OR9Q1: variants seen among roughly 807,000 people sequenced by gnomAD.
OR9Q1 encodes olfactory receptor family 9 subfamily Q member 1, also known as olfactory receptor 9Q1.
For synonymous variants in OR9Q1, 153 were observed against 148.6 expected (o/e 1.03, Z -0.22); for missense variants, 374 against 378.8 (o/e 0.99, Z 0.11).
chr11:58,074,050 C>T (rs1161162276), intron 2 of OR9Q1, among the ~76,000 whole-genome samples: 1 of 152,170 alleles, frequency 6.6e-6, no homozygotes, highest in East Asian at 1.9e-4. Flanking sequence ...TCTAGTCTAT[C>T]ATTGATGGGC....
In OR9Q1 at chr11:58,132,658, G is replaced by T. The variant is rs558858512; in HGVS notation, c.-14-46773G>T. Among the ~76,000 whole-genome samples, 8 of 152,316 alleles carry T rather than the reference G, an allele frequency of 5.3e-5. 2 individuals carry two copies. In the East Asian group the frequency reaches 1.5e-3, roughly 29 times the overall value. The stretch of plus-strand genomic sequence containing the variant: ...TGGTCAGAAAGGGTCACCTTGGGTT[G>T]ATGACAACTCCTCAAAGAGCAGAAC... On this transcript the variant is annotated intron_variant, in intron 2 of 2. Transcript: ENST00000335397.
At chr11:58,101,513 C>T (rs953058079) in intron 2 of OR9Q1, among the ~76,000 whole-genome samples, 9 of 152,056 alleles carry the variant, frequency 5.9e-5, no homozygotes, top group South Asian at 2.1e-4. Context: ...ATTTGAGTTC[C>T]GTGTAGATTC....
At chr11:58,133,518 C>G (rs1460377272) in intron 2 of OR9Q1, among the ~76,000 whole-genome samples, 1 of 152,192 alleles carries the variant, frequency 6.6e-6, no homozygotes, top group Non-Finnish European at 1.5e-5. Context: ...TTTCGCTTCT[C>G]CCTTGCAATA....
At chr11:58,153,370 T>C (rs535153368) in intron 2 of OR9Q1, among the ~76,000 whole-genome samples, 1 of 152,262 alleles carries the variant, frequency 6.6e-6, no homozygotes, top group African/African-American at 2.4e-5. Context: ...TGAGTTCCCT[T>C]TCCCCGGGAG....
chr11:58,063,707 T>TGG (rs141248235), intron 2 of OR9Q1, among the ~76,000 whole-genome samples: 2 of 152,136 alleles, frequency 1.3e-5, no homozygotes, highest in African/African-American at 2.4e-5. Context: ...ATTTAATTTT[T>TGG]GGGGGGGTGA....
At chr11:58,101,838 C>T (rs566771826) in intron 2 of OR9Q1, among the ~76,000 whole-genome samples, 1 of 152,154 alleles carries the variant, frequency 6.6e-6, no homozygotes, top group African/African-American at 2.4e-5. Flanking sequence ...CTTCCGCCTC[C>T]CAGGTTCAAG....
rs73476487 is a variant in OR9Q1, at chr11:58,066,357, G to A, written c.-15+10410G>A. Among the ~76,000 whole-genome samples, 545 of 152,238 alleles carry A rather than the reference G, an allele frequency of 3.6e-3. 4 individuals are homozygous for A. The highest frequency in any genetic ancestry group is 0.013 in the African/African-American group (528 of 41,552). ...CTGTGAGAGCAAGACCACAAGGACC[G>A]CAGGATAGGACATGTGGATTGTCCT... is the stretch of plus-strand genomic sequence containing the variant. On this transcript the variant is annotated intron_variant, in intron 2 of 2. Coordinates refer to ENST00000335397, the MANE Select transcript of OR9Q1 (RefSeq NM_001005212.4).
chr11:58,158,894 C>A lies in OR9Q1; in HGVS notation c.-14-20537C>A, dbSNP rs543427523. Among the ~76,000 whole-genome samples the A allele has an allele frequency of 4.3e-4, 65 of 152,292 alleles. 1 individual carries two copies. Among genetic ancestry groups the A allele is most frequent in the Admixed American group, 3.7e-3 (56 of 15,286 alleles). On this transcript the variant is annotated intron_variant, in intron 2 of 2. Transcript: ENST00000335397. ...TATGAGGCTAATGTGCAGAGAGAAGCAGAAATGAGATATGAGGAAGGAACA... is the reference window on the plus strand; with the variant it reads ...TATGAGGCTAATGTGCAGAGAGAAGAAGAAATGAGATATGAGGAAGGAACA...
chr11:58,031,642 G>T (rs1853040538), intron 1 of OR9Q1: 1 of 1,613,904 alleles, frequency 6.2e-7, no homozygotes, highest in African/African-American at 1.3e-5. Flanking sequence ...GGACACTGCT[G>T]CACATCCGCT....
intron 2 of OR9Q1, among the ~76,000 whole-genome samples, chr11:58,120,547 A>C (rs1025901382): frequency 2.0e-5 from 3 of 151,846 alleles, no homozygotes; most frequent in Admixed American, 2.0e-4. Flanking sequence ...TTTTTGGTAT[A>C]TCCATCACCC....
At chr11:58,149,913 G>T (rs1392139742) in intron 2 of OR9Q1, among the ~76,000 whole-genome samples, 1 of 152,142 alleles carries the variant, frequency 6.6e-6, no homozygotes, top group East Asian at 1.9e-4. Flanking sequence ...GAATGCTGTT[G>T]CTATAAATGT....
At chr11:58,164,368 G>A (rs1318338482) in intron 2 of OR9Q1, among the ~76,000 whole-genome samples, 1 of 152,172 alleles carries the variant, frequency 6.6e-6, no homozygotes, top group Non-Finnish European at 1.5e-5. Context: ...GGATGGTGGT[G>A]GGGATGGGGC....
intron 1 of OR9Q1, chr11:58,031,184 G>C: frequency 6.2e-7 from 1 of 1,614,166 alleles, no homozygotes; most frequent in Non-Finnish European, 8.5e-7. Flanking sequence ...GTACACTTCT[G>C]TTACAGTGCC....
At chr11:58,128,240 C>A (rs1233625653) in intron 2 of OR9Q1, among the ~76,000 whole-genome samples, 2 of 125,850 alleles carry the variant, frequency 1.6e-5, no homozygotes, top group African/African-American at 3.0e-5. Context: ...CAGGTGAAAA[C>A]AGCCAAGAAA....
intron 2 of OR9Q1, among the ~76,000 whole-genome samples, chr11:58,156,874 G>A (rs1014482071): frequency 8.5e-5 from 13 of 152,200 alleles, no homozygotes; most frequent in African/African-American, 2.9e-4. Flanking sequence ...TTCAGTTGCA[G>A]AACAGTTTAA....
intron 1 of OR9Q1, among the ~76,000 whole-genome samples, chr11:58,053,624 T>TAAAATATATATAC (rs1290995331): frequency 1.8e-5 from 2 of 109,636 alleles, no homozygotes; most frequent in Non-Finnish European, 1.7e-5. Context: ...TATATATATA[T>TAAAATATATATAC]ATAAAATATA....
At chr11:58,037,680 TATATA>T (rs1853116676) in intron 1 of OR9Q1, among the ~76,000 whole-genome samples, 1 of 13,192 alleles carries the variant, frequency 7.6e-5, no homozygotes, top group East Asian at 2.2e-3. Flanking sequence ...TATATATATA[TATATA>T]TATATTTTTT....
rs1370251137 is a variant in OR9Q1, at chr11:58,034,839, T to C, written c.-93+10735T>C. Among the ~76,000 whole-genome samples the C allele has an allele frequency of 7.8e-5, 11 of 140,698 alleles. No homozygotes were observed. In the South Asian group the frequency reaches 1.4e-3, roughly 18 times the overall value. 92.3% of individuals were successfully genotyped at this position (140,698 alleles called of 152,430 possible). A position where few individuals can be genotyped will look rare whatever the true frequency, so the allele number is the denominator to read the frequency against. On this transcript the variant is annotated intron_variant, in intron 1 of 2. Coordinates refer to ENST00000335397, the MANE Select transcript of OR9Q1 (RefSeq NM_001005212.4). The stretch of plus-strand genomic sequence containing the variant: ...CTTCCTTCCTTGCTTCCTTCCTTCA[T>C]TTTTTTTTTTTAGGGTCTCACTCTG...
intron 2 of OR9Q1, among the ~76,000 whole-genome samples, chr11:58,136,256 C>T (rs1166939306): frequency 1.3e-5 from 2 of 152,138 alleles, no homozygotes; most frequent in Non-Finnish European, 2.9e-5. Flanking sequence ...AATTAGATAA[C>T]AGATTGCTGA....
Sources: allele counts gnomAD v4.1 joint callset (sites outside exome capture counted in the v4.1 genomes callset), GRCh38; gene constraint gnomAD v4.1.1; transcripts MANE v1.5; gene names NCBI Gene and HGNC (gene_info 2026-07-23, HGNC 2026-07-21).